Variants in TOP2B observed in about 807,000 individuals in gnomAD.
TOP2B encodes the protein DNA topoisomerase 2-beta.
A neutral mutation model predicts 193.5 loss-of-function variants in TOP2B; 51 were observed. That is an observed-to-expected ratio of 0.26 (90% CI 0.21 to 0.33). TOP2B has a LOEUF of 0.33. Ranked by LOEUF, TOP2B falls within the 10% of genes least tolerant of loss-of-function variation. TOP2B has a pLI of 1.00. For missense variants in TOP2B, 1,378 were observed against 1,909.3 expected (o/e 0.72, Z 5.19); for synonymous variants, 634 against 635.7 (o/e 1.00, Z 0.04).
chr3:25,660,998 A>ATTTTT (rs11460770), intron 1 of TOP2B, among the ~76,000 whole-genome samples: 1 of 131,480 alleles, frequency 7.6e-6, no homozygotes, highest in African/African-American at 2.8e-5. Context: ...TCTTAGGTTG[A>ATTTTT]TTTTTTTTTT....
At chr3:25,657,846 G>C (rs558382183) in intron 1 of TOP2B, among the ~76,000 whole-genome samples, 222 of 146,984 alleles carry the variant, frequency 1.5e-3, no homozygotes, top group Non-Finnish European at 2.6e-3. Context: ...TGGATCATCA[G>C]GTCAGGAGAT....
At chr3:25,611,734 T>C (rs1306102816) in intron 28 of TOP2B, among the ~76,000 whole-genome samples, 1 of 152,170 alleles carries the variant, frequency 6.6e-6, no homozygotes, top group Non-Finnish European at 1.5e-5. Flanking sequence ...TGACACAGGA[T>C]GTGCTTGGTA....
chr3:25,662,009 G>A (rs955845627), intron 1 of TOP2B, among the ~76,000 whole-genome samples: 1 of 152,096 alleles, frequency 6.6e-6, no homozygotes, highest in African/African-American at 2.4e-5. Flanking sequence ...GCCCCAACTC[G>A]TGCAAAGGAA....
chr3:25,607,423 T>A, intron 30 of TOP2B, 48 bp from the exon 31 acceptor site: 1 of 1,525,138 alleles, frequency 6.6e-7, no homozygotes, highest in Non-Finnish European at 8.8e-7. Flanking sequence ...CCTAGCTTTG[T>A]ATACATGAAT....
intron 26 of TOP2B, 51 bp from the exon 27 acceptor site, chr3:25,615,339 A>C (rs1702476260): frequency 5.1e-6 from 8 of 1,568,134 alleles, no homozygotes; most frequent in Non-Finnish European, 4.3e-6. Flanking sequence ...AAACATATGA[A>C]GGATAAATCA....
chr3:25,609,368 G>T, intron 29 of TOP2B, 24 bp from the exon 30 acceptor site: 1 of 1,553,516 alleles, frequency 6.4e-7, no homozygotes. Context: ...ATAGCAATAA[G>T]GTATGTATCC....
intron 29 of TOP2B, 58 bp from the exon 30 acceptor site, chr3:25,609,402 A>G (rs1702313734): frequency 2.0e-6 from 3 of 1,483,040 alleles, no homozygotes; most frequent in Non-Finnish European, 2.7e-6. Context: ...TGTCATTAGT[A>G]AAAATAAAAT....
intron 35 of TOP2B, among the ~76,000 whole-genome samples, chr3:25,598,804 G>A (rs1702002165): frequency 6.6e-6 from 1 of 152,108 alleles, no homozygotes; most frequent in South Asian, 2.1e-4. Context: ...CTGTCCTACT[G>A]GTAAGTACAT....
At chr3:25,613,333 T>A (rs1055991774) in intron 27 of TOP2B, among the ~76,000 whole-genome samples, 6 of 152,234 alleles carry the variant, frequency 3.9e-5, no homozygotes, top group African/African-American at 7.2e-5. Context: ...GAGATTTTTT[T>A]AAAAGATCTT....
rs775269080 is a variant in TOP2B, at chr3:25,645,264, C to T, written c.240+36G>A. The T allele has an allele frequency of 4.1e-6, 6 of 1,465,620 alleles. No individual in the cohort carries two copies. The South Asian group carries it at 5.9e-5, about 15-fold the overall frequency. 90.8% of individuals were successfully genotyped at this position (1,465,620 alleles called of 1,614,324 possible). A position where few individuals can be genotyped will look rare whatever the true frequency, so the allele number is the denominator to read the frequency against. On this transcript the variant is annotated intron_variant, in intron 2 of 35. Coordinates refer to ENST00000264331, the MANE Select transcript of TOP2B (RefSeq NM_001330700.2). The stretch of plus-strand genomic sequence containing the variant: ...ATATTAAAAAGTAAATATAGATGCA[C>T]ATCTCCTAATTTCAATCAATTTTAG...
At chr3:25,623,261 A>T (rs1455302050) in intron 21 of TOP2B, among the ~76,000 whole-genome samples, 1 of 152,178 alleles carries the variant, frequency 6.6e-6, no homozygotes, top group Non-Finnish European at 1.5e-5. Flanking sequence ...TAGGGTTTAG[A>T]GGTTTGAAAA....
chr3:25,658,064 A>T (rs1465770234), intron 1 of TOP2B, among the ~76,000 whole-genome samples: 2 of 133,796 alleles, frequency 1.5e-5, no homozygotes, highest in African/African-American at 3.0e-5. Flanking sequence ...CCGTCTCAAA[A>T]AAAAAAAAAA....
chr3:25,630,017 T>G lies in TOP2B; in HGVS notation c.1689+12A>C. 1 of 1,581,092 alleles carries G rather than the reference T, an allele frequency of 6.3e-7. No homozygotes were observed. ...ACATGAATTTGAAATATGTGGTAAC[T>G]TTAAAACCAACCTGATCGGTCATAA... On this transcript the variant is annotated intron_variant, in intron 13 of 35. Transcript: ENST00000264331.
At chr3:25,637,118 T>C (rs1415657383) in intron 6 of TOP2B, 97 bp downstream of exon 6, 1 of 878,598 alleles carries the variant, frequency 1.1e-6, no homozygotes, top group Non-Finnish European at 1.8e-6. Flanking sequence ...AAAATGAAGT[T>C]ATACAGGCAT....
rs374121445 is a variant in TOP2B, at chr3:25,600,005, C to A, written c.4616-476G>T. Among the ~76,000 whole-genome samples the A allele has an allele frequency of 3.9e-5, 6 of 152,236 alleles. No homozygotes were observed. The East Asian group carries it at 7.7e-4, about 20-fold the overall frequency. ...ATTATAAAGGTCTAAATGTTTACTC[C>A]GTTTTACTTATCAAAGACTAGTAAC... On this transcript the variant is annotated intron_variant, in intron 34 of 35. Coordinates refer to ENST00000264331, the MANE Select transcript of TOP2B (RefSeq NM_001330700.2).
chr3:25,604,207 G>T (rs1881709), intron 33 of TOP2B, among the ~76,000 whole-genome samples: 50,735 of 151,720 alleles, frequency 0.33, 9,084 homozygotes, highest in African/African-American at 0.46. Context: ...GATTTGTGGG[G>T]TTTTTTTTAA....
intron 31 of TOP2B, 25 bp downstream of exon 31, chr3:25,607,146 C>T: frequency 6.2e-7 from 1 of 1,609,806 alleles, no homozygotes; most frequent in Non-Finnish European, 8.5e-7. Flanking sequence ...TTAACTATAC[C>T]ACATCACTAA....
In TOP2B at chr3:25,630,297, C is replaced by T. The variant is rs115470594; in HGVS notation, c.1563+15G>A. Reference sequence around the variant, plus strand: ...GCATGTGTGTATACACATATATATACACACACATACATACCTGTTTATGAG... The same window carrying T: ...GCATGTGTGTATACACATATATATATACACACATACATACCTGTTTATGAG... On this transcript the variant is annotated intron_variant, in intron 12 of 35. Transcript: ENST00000264331. 3.7e-4 allele frequency: 578 copies of T among 1,545,728 alleles called. 1 individual carries two copies. The African/African-American group carries it at 7.2e-3, about 19-fold the overall frequency.
At position 25,645,419 on chromosome 3, in the gene TOP2B, T is replaced by C. The variant is rs748068791; in HGVS notation, c.121A>G (p.Asn41Asp). The change falls in exon 2 of 36, where the codon AAC (asparagine) becomes GAC (aspartate). Residue 41 changes from asparagine (N) to aspartate (D), a missense_variant. Asn to Asp is a conservative substitution (Grantham distance 23, BLOSUM62 1). This residue lies in a region of TOP2B where 83 missense variants were observed against 59.3 expected (regional missense o/e 1.40). Transcript: ENST00000264331. Reference sequence around the variant, plus strand: ...AACTTCTTTGAAGAATCATTTTTGTTGGCAGTTTCTGACTCTTCTTTTTTT... The same window carrying C: ...AACTTCTTTGAAGAATCATTTTTGTCGGCAGTTTCTGACTCTTCTTTTTTT... ...AAKKEESETA[N>D]KNDSSKKLSV... 5 of 1,613,674 alleles carry C rather than the reference T, an allele frequency of 3.1e-6. No individual in the cohort carries two copies. The highest frequency in any genetic ancestry group is 2.2e-5 in the South Asian group (2 of 91,036).
Sources: allele counts gnomAD v4.1 joint callset (sites outside exome capture counted in the v4.1 genomes callset), GRCh38; gene constraint gnomAD v4.1.1; regional missense constraint gnomAD v4.1.1; transcripts MANE v1.5; gene names NCBI Gene and HGNC (gene_info 2026-07-23, HGNC 2026-07-21).